The following TAF5 variants were observed in gnomAD, a reference collection of about 807,000 sequenced individuals.
The protein encoded by TAF5 is TATA-box binding protein associated factor 5, also known as transcription initiation factor TFIID subunit 5.
TAF5 carries 20 observed loss-of-function variants against 80.9 expected under a neutral mutation model. That is an observed-to-expected ratio of 0.25 (90% CI 0.17 to 0.36). The LOEUF is 0.36. Among genes scored for constraint, TAF5 ranks in the 10% least tolerant of loss-of-function variants. The pLI, the probability that TAF5 is intolerant of heterozygous loss-of-function variation, is 1.00. For synonymous variants in TAF5, 388 were observed against 406.4 expected (o/e 0.95, Z 0.55); for missense variants, 863 against 1,029.4 (o/e 0.84, Z 2.21).
rs780289675 is a variant in TAF5, at chr10:103,373,574, A to C, written c.776A>C (p.Glu259Ala). Residue 259 changes from glutamate to alanine, a missense_variant, in exon 2 of 11, where the codon GAA becomes GCA. Glu to Ala is a moderately radical substitution (Grantham distance 107). Around this residue, in one of 3 missense-constraint regions of TAF5, gnomAD observed 128 missense variants for 232.2 expected, o/e 0.55. Coordinates refer to ENST00000369839, the MANE Select transcript of TAF5 (RefSeq NM_006951.5). Reference protein sequence around the residue: ...LELVYNQHENEAKSFFEKFHG... With the variant: ...LELVYNQHENAAKSFFEKFHG... ...CTAGTCTACAATCAACATGAGAATG[A>C]AGCAAAGTCATTCTTTGAGAAGTAT... is the stretch of plus-strand genomic sequence containing the variant. 3 of 1,613,712 alleles carry C rather than the reference A, an allele frequency of 1.9e-6. No homozygotes were observed. The highest frequency in any genetic ancestry group is 2.5e-6 in the Non-Finnish European group (3 of 1,179,812).
At position 103,368,445 on chromosome 10, in the gene TAF5, C is replaced by T. The variant is rs750281548; in HGVS notation, c.456C>T (p.Thr152=). The change falls in exon 1 of 11, where the codon ACC becomes ACT. Residue 152 remains threonine (T), a synonymous_variant. Coordinates refer to ENST00000369839, the MANE Select transcript of TAF5 (RefSeq NM_006951.5). ...EVTSALLSRV[T]ASAPGPAAPD... is the part of the protein sequence containing the mutation. ...CCAGCGCGCTTCTCAGCCGGGTGACCGCCTCGGCCCCTGGCCCTGCGGCCC... is the reference window on the plus strand; with the variant it reads ...CCAGCGCGCTTCTCAGCCGGGTGACTGCCTCGGCCCCTGGCCCTGCGGCCC... 158 of 1,581,338 alleles carry T rather than the reference C, an allele frequency of 1.0e-4. No individual in the cohort carries two copies. The highest frequency in any genetic ancestry group is 2.8e-4 in the Admixed American group (16 of 57,680).
rs2093373970 is a variant in TAF5, at chr10:103,378,176, G to A, written c.798-59G>A. 2 of 1,466,572 alleles carry A rather than the reference G, an allele frequency of 1.4e-6. No homozygotes were observed. Among genetic ancestry groups the A allele is most frequent in the South Asian group, 1.3e-5 (1 of 78,026 alleles). 90.8% of individuals were successfully genotyped at this position (1,466,572 alleles called of 1,614,324 possible). The stretch of plus-strand genomic sequence containing the variant: ...TGGGATGGTTTATAAGTATATGGGG[G>A]AAAGGCAGATCCCTTAATGATTACA... On this transcript the variant is annotated intron_variant, in intron 2 of 10. Coordinates refer to ENST00000369839, the MANE Select transcript of TAF5 (RefSeq NM_006951.5). The surrounding 1 kb of genome is among the most constrained non-coding windows in gnomAD (Gnocchi z 4.1).
chr10:103,373,265 G>T, intron 1 of TAF5, 93 bp from the exon 2 acceptor site: 1 of 946,238 alleles, frequency 1.1e-6, no homozygotes, highest in South Asian at 1.6e-5. Context: ...ACAACAGTCT[G>T]AGAAACAACT....
At chr10:103,373,723 G>C in intron 2 of TAF5, 128 bp downstream of exon 2, 1 of 706,758 alleles carries the variant, frequency 1.4e-6, no homozygotes, top group South Asian at 2.1e-5. Context: ...TGAAGGAGAG[G>C]TACCTGAGGC....
Position 103,373,260 on chromosome 10 carries a change from A to G in TAF5, c.560-98A>G, listed in dbSNP as rs1399778048. 3.4e-6 allele frequency: 3 copies of G among 878,914 alleles called. No homozygotes were observed. The East Asian group carries it at 7.3e-5, about 21-fold the overall frequency. The allele number at this position is 878,914 out of a possible 1,614,324, so 54.4% of individuals were successfully genotyped here. On this transcript the variant is annotated intron_variant, in intron 1 of 10. Transcript: ENST00000369839. ...GAGACAGTGGGAAGAAAGAGACAAC[A>G]GTCTGAGAAACAACTCACCTGTGGG...
At chr10:103,368,881 T>C (rs2093352324) in intron 1 of TAF5, among the ~76,000 whole-genome samples, 1 of 152,254 alleles carries the variant, frequency 6.6e-6, no homozygotes, top group Non-Finnish European at 1.5e-5. Flanking sequence ...TAACAGTGTT[T>C]GTACAGTTTC....
At chr10:103,387,975 C>T in intron 10 of TAF5, 31 bp from the exon 11 acceptor site, 1 of 1,572,658 alleles carries the variant, frequency 6.4e-7, no homozygotes, top group South Asian at 1.1e-5. Flanking sequence ...ATGATGGATG[C>T]AACTAATGGT....
At chr10:103,373,328 T>C in intron 1 of TAF5, 30 bp from the exon 2 acceptor site, 1 of 1,598,686 alleles carries the variant, frequency 6.3e-7, no homozygotes, top group Non-Finnish European at 8.6e-7. Flanking sequence ...AATAGGTCAT[T>C]TTCTTAAAAG....
At chr10:103,372,338 C>T (rs1294218310) in intron 1 of TAF5, among the ~76,000 whole-genome samples, 5 of 144,964 alleles carry the variant, frequency 3.4e-5, no homozygotes, top group East Asian at 2.2e-4. Context: ...CGCGGTGGCT[C>T]GTACTTTTTT....
intron 5 of TAF5, 40 bp from the exon 6 acceptor site, chr10:103,381,680 TC>T (rs2093383204): frequency 1.2e-6 from 2 of 1,609,600 alleles, no homozygotes; most frequent in Non-Finnish European, 1.7e-6. Flanking sequence ...TCTCTAAATA[TC>T]CTAAAATAGT....
Position 103,384,761 on chromosome 10 carries a change from G to A in TAF5, c.1665-565G>A, listed in dbSNP as rs143664117. Among the ~76,000 whole-genome samples, 104 of 152,300 alleles carry A rather than the reference G, an allele frequency of 6.8e-4. 2 individuals carry two copies. In the East Asian group the frequency reaches 0.014, roughly 20 times the overall value. On this transcript the variant is annotated intron_variant, in intron 7 of 10. Transcript: ENST00000369839. ...CAGATGATACATTTTTGAGGGAAAC[G>A]TCTGATTTCAGTGAAAATTGTAATA... is the stretch of plus-strand genomic sequence containing the variant.
rs1292801553 is a variant in TAF5 at position 103,368,534 on chromosome 10, C to T, written c.545C>T (p.Ala182Val). The T allele has an allele frequency of 2.6e-6, 4 of 1,533,438 alleles. No individual in the cohort carries two copies. The highest frequency in any genetic ancestry group is 1.2e-5 in the South Asian group (1 of 82,664). The allele number at this position is 1,533,438 out of a possible 1,614,324, so 95.0% of individuals were successfully genotyped here. A position where few individuals can be genotyped will look rare whatever the true frequency, so the allele number is the denominator to read the frequency against. ...GTCTCAGGTTCAGCCTCAGGTCCTG[C>T]GGCTCCGGGTAAAGGTGAGCCGTGG... ...TVVSGSASGP[A>V]APGKVGSVAV... The change falls in exon 1 of 11, where the codon GCG becomes GTG. Residue 182 changes from alanine to valine, a missense_variant. This residue lies in a region of TAF5 where 367 missense variants were observed against 335.5 expected (regional missense o/e 1.09). Transcript: ENST00000369839.
Position 103,383,380 on chromosome 10 carries a change from CAA to C in TAF5, c.1664+14_1664+15del. 6.4e-7 allele frequency: 1 copy of C among 1,573,758 alleles called. No individual in the cohort carries two copies. The highest frequency in any genetic ancestry group is 8.6e-7 in the Non-Finnish European group (1 of 1,168,074). On this transcript the variant is annotated intron_variant, in intron 7 of 10. Transcript: ENST00000369839. ...TCAGTCCGGATAGGTAAAATACAAA[CAA>C]TAAAAATTAAATACTGCTATGTTAT... is the stretch of plus-strand genomic sequence containing the variant.
chr10:103,376,580 GAA>G (rs566222719), intron 2 of TAF5, among the ~76,000 whole-genome samples: 1 of 135,404 alleles, frequency 7.4e-6, no homozygotes. Context: ...AAGTGCTTTT[GAA>G]AAAAAAAAAA....
chr10:103,385,846 A>C (rs1480597376), intron 8 of TAF5, among the ~76,000 whole-genome samples: 1 of 147,598 alleles, frequency 6.8e-6, no homozygotes, highest in Non-Finnish European at 1.5e-5. Flanking sequence ...AATCATTTGA[A>C]CCTGAGAGGC....
chr10:103,378,085 A>G lies in TAF5; in HGVS notation c.798-150A>G. The G allele has an allele frequency of 1.7e-6, 1 of 596,744 alleles. No individual in the cohort carries two copies. The highest frequency in any genetic ancestry group is 2.9e-5 in the East Asian group (1 of 34,152). The allele number at this position is 596,744 out of a possible 1,614,324, so 37.0% of individuals were successfully genotyped here. A position where few individuals can be genotyped will look rare whatever the true frequency, so the allele number is the denominator to read the frequency against. On this transcript the variant is annotated intron_variant, in intron 2 of 10. Transcript: ENST00000369839. The surrounding 1 kb of genome is among the most constrained non-coding windows in gnomAD (Gnocchi z 4.1). ...CAGAAACTGAATTATAGTCATTTTG[A>G]AATGAGTTACTTCTTATCCTACAGC...
At chr10:103,369,432 C>G (rs1388133942) in intron 1 of TAF5, among the ~76,000 whole-genome samples, 1 of 151,762 alleles carries the variant, frequency 6.6e-6, no homozygotes, top group Non-Finnish European at 1.5e-5. Context: ...GATCTTAGCT[C>G]ACTGCAACCT....
intron 1 of TAF5, among the ~76,000 whole-genome samples, chr10:103,372,332 G>T (rs190456097): frequency 1.6e-4 from 24 of 150,218 alleles, no homozygotes; most frequent in Admixed American, 1.5e-3. Context: ...GCTGGGCGCG[G>T]TGGCTCGTAC....
intron 2 of TAF5, 113 bp downstream of exon 2, chr10:103,373,708 C>T (rs560047737): frequency 6.2e-6 from 5 of 800,966 alleles, no homozygotes; most frequent in East Asian, 2.8e-5. Flanking sequence ...TTAAAAAGTA[C>T]GTTGTGAAGG....
Sources: allele counts gnomAD v4.1 joint callset (sites outside exome capture counted in the v4.1 genomes callset), GRCh38; gene constraint gnomAD v4.1.1; regional missense constraint gnomAD v4.1.1; non-coding constraint Gnocchi (gnomAD v3.1); transcripts MANE v1.5; gene names NCBI Gene and HGNC (gene_info 2026-07-23, HGNC 2026-07-21).